Variants in TPO observed in about 807,000 individuals in gnomAD.
TPO encodes the protein thyroid microsomal antigen.
TPO carries 78 observed loss-of-function variants against 96.9 expected under a neutral mutation model. The ratio of observed to expected loss-of-function variants is 0.81; its 90% CI spans 0.67 to 0.97. TPO has a LOEUF of 0.97. Ranked by LOEUF, TPO falls within the 50% of genes least tolerant of loss-of-function variation. The pLI, the probability that TPO is intolerant of heterozygous loss-of-function variation, is 0.00. For missense variants in TPO, 1,252 were observed against 1,274.8 expected (o/e 0.98, Z 0.27); for synonymous variants, 547 against 538.0 (o/e 1.02, Z -0.23).
intron 5 of TPO, among the ~76,000 whole-genome samples, chr2:1,452,338 A>G (rs1250793202): frequency 6.6e-6 from 1 of 152,252 alleles, no homozygotes; most frequent in Non-Finnish European, 1.5e-5. Flanking sequence ...TTGGCTGAAC[A>G]TCACCTGTGG....
At chr2:1,460,081 A>C (rs780186562) in intron 7 of TPO, among the ~76,000 whole-genome samples, 18 of 152,122 alleles carry the variant, frequency 1.2e-4, no homozygotes, top group Non-Finnish European at 2.5e-4. Context: ...GACTACAGGC[A>C]TGCGCCACCA....
At chr2:1,427,750 G>A (rs941633539) in intron 3 of TPO, among the ~76,000 whole-genome samples, 9 of 152,214 alleles carry the variant, frequency 5.9e-5, no homozygotes, top group African/African-American at 1.9e-4. Context: ...CCCATGATCT[G>A]TCTGGGCTCA....
chr2:1,470,138 C>T (rs780135212), intron 7 of TPO, among the ~76,000 whole-genome samples: 6 of 152,100 alleles, frequency 3.9e-5, no homozygotes, highest in African/African-American at 9.7e-5. Flanking sequence ...TTTTCCAATG[C>T]GGTAAAGAAG....
At chr2:1,506,343 T>C (rs1558379169) in intron 14 of TPO, among the ~76,000 whole-genome samples, 1 of 150,160 alleles carries the variant, frequency 6.7e-6, no homozygotes, top group East Asian at 2.0e-4. Context: ...GCAATAAACA[T>C]ATGTGTGCAT....
Position 1,416,560 on chromosome 2 carries a change from C to A in TPO, c.94+2058C>A, listed in dbSNP as rs539094150. Among the ~76,000 whole-genome samples the A allele has an allele frequency of 2.6e-5, 4 of 152,314 alleles. No homozygotes were observed. The East Asian group carries it at 7.7e-4, about 29-fold the overall frequency. On this transcript the variant is annotated intron_variant, in intron 2 of 16. Coordinates refer to ENST00000329066, the MANE Select transcript of TPO (RefSeq NM_001206744.2). ...CCATATCTGGGAGATTTGACCTTTT[C>A]GTTTTGCTTAAACTTTTGGTTGACA... is the stretch of plus-strand genomic sequence containing the variant.
intron 7 of TPO, among the ~76,000 whole-genome samples, chr2:1,471,229 G>A (rs1013442151): frequency 2.6e-5 from 4 of 152,166 alleles, no homozygotes; most frequent in Non-Finnish European, 5.9e-5. Flanking sequence ...AACCTCTGGG[G>A]TGGCAGATCT....
intron 15 of TPO, among the ~76,000 whole-genome samples, chr2:1,529,534 G>T (rs60199960): frequency 2.9e-4 from 20 of 68,500 alleles, no homozygotes; most frequent in African/African-American, 1.5e-3. Flanking sequence ...TCCCCCCACT[G>T]TGAGCAATCT....
chr2:1,408,705 T>A (rs553913447), upstream of TPO, among the ~76,000 whole-genome samples: 1 of 152,320 alleles, frequency 6.6e-6, no homozygotes, highest in Non-Finnish European at 1.5e-5. Context: ...ATTAATCTTA[T>A]AACATAAAAA....
rs1376652357 is a variant in TPO at position 1,532,272 on chromosome 2, C to T, written c.2619-8322C>T. On this transcript the variant is annotated intron_variant, in intron 15 of 16. Coordinates refer to ENST00000329066, the MANE Select transcript of TPO (RefSeq NM_001206744.2). ...CCTCAAATCCCCCCACTGTGTGCAA[C>T]CTCCTCAAGTCCCCCACTGTGTGCA... 4.2e-4 allele frequency among the ~76,000 whole-genome samples: 18 copies of T among 42,504 alleles called. 2 individuals are homozygous for T. Among genetic ancestry groups the T allele is most frequent in the Non-Finnish European group, 7.7e-4 (17 of 21,976 alleles). 27.9% of individuals were successfully genotyped at this position (42,504 alleles called of 152,430 possible).
intron 5 of TPO, among the ~76,000 whole-genome samples, chr2:1,445,100 TG>T (rs1428117846): frequency 1.0e-4 from 3 of 28,924 alleles, no homozygotes; most frequent in Non-Finnish European, 2.2e-4. Flanking sequence ...TGGAAGGGAA[TG>T]GGGCAGGCTC....
intron 1 of TPO, among the ~76,000 whole-genome samples, chr2:1,384,077 A>T (rs1229389523): frequency 6.6e-6 from 1 of 152,074 alleles, no homozygotes; most frequent in Non-Finnish European, 1.5e-5. Context: ...ATTGGTCTAT[A>T]TCTCTGTTTG....
intron 1 of TPO, among the ~76,000 whole-genome samples, chr2:1,381,366 A>G (rs1191825611): frequency 6.6e-6 from 1 of 152,218 alleles, no homozygotes; most frequent in African/African-American, 2.4e-5. Context: ...ACACTTCTCA[A>G]AAGAAGACAT....
chr2:1,461,400 C>T (rs113527323), intron 7 of TPO, among the ~76,000 whole-genome samples: 2,096 of 152,294 alleles, frequency 0.014, 48 homozygotes, highest in African/African-American at 0.048. Flanking sequence ...ATTTTGTGAC[C>T]ACACTTGCTC....
In TPO at chr2:1,380,187, G is replaced by A. The variant is rs540688942; in HGVS notation, n.180+5785G>A. On this transcript the variant is annotated intron_variant and non_coding_transcript_variant, in intron 1 of 5. Transcript: ENST00000497517. ...AGGTGGGCGGATCATGAGGTCAGGAGATCAAGACCATCCTGGCTAATACGG... is the reference window on the plus strand; with the variant it reads ...AGGTGGGCGGATCATGAGGTCAGGAAATCAAGACCATCCTGGCTAATACGG... 3.8e-3 allele frequency among the ~76,000 whole-genome samples: 581 copies of A among 152,224 alleles called. 3 individuals are homozygous for A. Among genetic ancestry groups the A allele is most frequent in the South Asian group, 0.018 (89 of 4,824 alleles).
intron 15 of TPO, among the ~76,000 whole-genome samples, chr2:1,536,658 T>A (rs1679724139): frequency 2.0e-5 from 1 of 50,250 alleles, no homozygotes; most frequent in Non-Finnish European, 3.6e-5. Flanking sequence ...CCCCACTGTG[T>A]GCAACCTCCC....
intron 2 of TPO, among the ~76,000 whole-genome samples, chr2:1,421,591 C>T (rs189512294): frequency 5.9e-4 from 90 of 152,286 alleles, no homozygotes; most frequent in African/African-American, 2.1e-3. Flanking sequence ...CGTGACTGAC[C>T]ACAGAATACA....
At chr2:1,488,452 CCT>C (rs1394955251) in intron 10 of TPO, among the ~76,000 whole-genome samples, 1 of 152,092 alleles carries the variant, frequency 6.6e-6, no homozygotes, top group African/African-American at 2.4e-5. Flanking sequence ...AGTGGCTGCT[CCT>C]CTCAGGCCAG....
chr2:1,484,942 A>T lies in TPO; in HGVS notation c.1597+88A>T. 7 of 1,569,278 alleles carry T rather than the reference A, an allele frequency of 4.5e-6. No individual in the cohort carries two copies. The South Asian group carries it at 8.1e-5, about 18-fold the overall frequency. On this transcript the variant is annotated intron_variant, in intron 9 of 16. Transcript: ENST00000329066. ...TAAATTATATTTTAAGTTCTAGGGT[A>T]CATGTGCACAACGTGCAGGTTTGTT...
chr2:1,478,567 TG>T (rs1199724433), intron 8 of TPO, among the ~76,000 whole-genome samples: 4 of 152,242 alleles, frequency 2.6e-5, no homozygotes, highest in African/African-American at 7.2e-5. Flanking sequence ...GCAGAGGGTC[TG>T]GGAAGCCTCC....
Sources: allele counts gnomAD v4.1 joint callset (sites outside exome capture counted in the v4.1 genomes callset), GRCh38; gene constraint gnomAD v4.1.1; transcripts MANE v1.5; gene names NCBI Gene and HGNC (gene_info 2026-07-23, HGNC 2026-07-21).